The following PTK2 variants were observed in gnomAD, a reference collection of about 807,000 sequenced individuals.
The protein encoded by PTK2 is focal adhesion kinase 1.
A neutral mutation model predicts 150.1 loss-of-function variants in PTK2; 45 were observed. The ratio of observed to expected loss-of-function variants is 0.30; its 90% CI spans 0.24 to 0.38. The LOEUF (loss-of-function observed/expected upper bound fraction) is 0.38, where lower values mean the gene tolerates loss of function less well. Ranked by LOEUF, PTK2 falls within the 10% of genes least tolerant of loss-of-function variation. The pLI is 1.00. For synonymous variants in PTK2, 432 were observed against 449.2 expected (o/e 0.96, Z 0.48); for missense variants, 919 against 1,307.3 (o/e 0.70, Z 4.58).
chr8:140,729,184 T>C (rs934371176), intron 22 of PTK2, among the ~76,000 whole-genome samples: 2 of 152,238 alleles, frequency 1.3e-5, no homozygotes, highest in African/African-American at 4.8e-5. Flanking sequence ...AAGCAAAACA[T>C]GACAGCACAT....
intron 3 of PTK2, among the ~76,000 whole-genome samples, chr8:140,883,216 T>C (rs546194016): frequency 6.6e-6 from 1 of 152,306 alleles, no homozygotes; most frequent in South Asian, 2.1e-4. Context: ...TTCATGAACA[T>C]CTGAAGTGCC....
intron 29 of PTK2, chr8:140,669,108 C>T (rs1017172180): frequency 3.9e-5 from 6 of 151,934 alleles, no homozygotes; most frequent in South Asian, 2.1e-4. Context: ...CTCTCTCACC[C>T]GGGCAACTGT....
chr8:140,690,531 T>A (rs1254344490), intron 26 of PTK2, among the ~76,000 whole-genome samples: 1 of 152,208 alleles, frequency 6.6e-6, no homozygotes, highest in African/African-American at 2.4e-5. Context: ...TATACCTCAT[T>A]TGTCAATAAT....
intron 11 of PTK2, among the ~76,000 whole-genome samples, chr8:140,801,026 C>T (rs1156695580): frequency 6.6e-6 from 1 of 152,160 alleles, no homozygotes; most frequent in Non-Finnish European, 1.5e-5. Flanking sequence ...GCACATATAG[C>T]ATGTTCGCCC....
Position 140,710,038 on chromosome 8 carries a change from G to A in PTK2, c.2143-3833C>T, listed in dbSNP as rs532020299. ...TAAGTATAATAACTATGTAAGCCGGGTGCAGTGGCTCATGTCTGTAATCTC... is the reference window on the plus strand; with the variant it reads ...TAAGTATAATAACTATGTAAGCCGGATGCAGTGGCTCATGTCTGTAATCTC... On this transcript the variant is annotated intron_variant, in intron 23 of 31. Coordinates refer to ENST00000522684, the Ensembl canonical transcript of PTK2. Among the ~76,000 whole-genome samples the A allele has an allele frequency of 2.6e-5, 4 of 152,302 alleles. No homozygotes were observed. In the South Asian group the frequency reaches 6.2e-4, roughly 24 times the overall value.
intron 14 of PTK2, chr8:140,765,374 C>CA (rs1362061596): frequency 6.6e-6 from 1 of 152,098 alleles, no homozygotes; most frequent in African/African-American, 2.4e-5. Flanking sequence ...GGTTTACAGT[C>CA]ACTGGGATAT....
At chr8:140,857,391 G>C (rs2100133326) in intron 5 of PTK2, among the ~76,000 whole-genome samples, 1 of 152,072 alleles carries the variant, frequency 6.6e-6, no homozygotes, top group Non-Finnish European at 1.5e-5. Flanking sequence ...GAATCTCCAA[G>C]CTCCCTTCTA....
intron 2 of PTK2, among the ~76,000 whole-genome samples, chr8:140,919,568 A>G (rs2100166617): frequency 1.3e-5 from 2 of 152,134 alleles, no homozygotes; most frequent in Non-Finnish European, 2.9e-5. Context: ...TTATCATACA[A>G]TGGAGGTGGC....
At chr8:140,795,640 C>A (rs2100091099) in intron 12 of PTK2, among the ~76,000 whole-genome samples, 1 of 152,166 alleles carries the variant, frequency 6.6e-6, no homozygotes, top group African/African-American at 2.4e-5. Context: ...TATGTCCTCA[C>A]CTACATGAAA....
At chr8:140,718,767 T>C (rs987887215) in intron 22 of PTK2, 4 of 152,252 alleles carry the variant, frequency 2.6e-5, no homozygotes, top group Non-Finnish European at 1.5e-5. Context: ...AGTCACCTTC[T>C]GAGTCAGGAA....
At chr8:140,734,509 A>C (rs547880824) in intron 22 of PTK2, among the ~76,000 whole-genome samples, 11 of 152,292 alleles carry the variant, frequency 7.2e-5, no homozygotes, top group African/African-American at 2.4e-4. Context: ...GGGGACATGC[A>C]CAAGCGAACA....
At chr8:140,984,010 C>G (rs981784955) in intron 1 of PTK2, 2 of 152,278 alleles carry the variant, frequency 1.3e-5, no homozygotes, top group Non-Finnish European at 2.9e-5. Context: ...CAAATATCAG[C>G]CGGGTGTGGT....
At chr8:140,936,166 A>T (rs2100173555) in intron 1 of PTK2, among the ~76,000 whole-genome samples, 1 of 152,138 alleles carries the variant, frequency 6.6e-6, no homozygotes. Context: ...CTCTAAAATT[A>T]AAAAAATTAA....
intron 31 of PTK2, chr8:140,662,525 C>G (rs1032610913): frequency 2.5e-6 from 1 of 400,056 alleles, no homozygotes; most frequent in Non-Finnish European, 4.4e-6. Flanking sequence ...GCCAGAGGCC[C>G]GGTGAAGCAG....
chr8:140,927,975 A>AAAAAAAAATATATATATATAT, intron 1 of PTK2, among the ~76,000 whole-genome samples: 1 of 48,196 alleles, frequency 2.1e-5, no homozygotes, highest in African/African-American at 9.8e-5. Flanking sequence ...AAAAAAAAAA[A>AAAAAAAAATATATATATATAT]ATATATATAT....
chr8:140,821,432 T>A (rs2100108504), intron 8 of PTK2: 1 of 152,078 alleles, frequency 6.6e-6, no homozygotes, highest in Non-Finnish European at 1.5e-5. Flanking sequence ...AACTGGAAAG[T>A]AAAGAATCCA....
intron 20 of PTK2, among the ~76,000 whole-genome samples, chr8:140,742,706 T>G (rs1187258616): frequency 6.6e-6 from 1 of 152,210 alleles, no homozygotes; most frequent in Non-Finnish European, 1.5e-5. Flanking sequence ...AGTGCATTCT[T>G]TGTGTCATTT....
At chr8:140,991,734 C>A (rs540946816) in intron 1 of PTK2, among the ~76,000 whole-genome samples, 17 of 152,170 alleles carry the variant, frequency 1.1e-4, no homozygotes, top group African/African-American at 3.6e-4. Context: ...CGAGGCCAGG[C>A]ATGGTGGCTC....
chr8:140,679,524 T>A (rs995971322), intron 27 of PTK2, among the ~76,000 whole-genome samples: 1 of 152,084 alleles, frequency 6.6e-6, no homozygotes, highest in Non-Finnish European at 1.5e-5. Context: ...ACAGTATGAG[T>A]GTGTGGAGCT....
Sources: gnomAD v4.1 joint callset for allele counts (sites outside exome capture counted in the v4.1 genomes callset) on GRCh38, gnomAD v4.1.1 for gene constraint, MANE v1.5 for transcripts, NCBI Gene and HGNC (gene_info 2026-07-23, HGNC 2026-07-21) for gene names.